The following ASTN2 variants were observed in gnomAD, a reference collection of about 807,000 sequenced individuals.
ASTN2 encodes the protein astrotactin 2.
A neutral mutation model predicts 139.8 loss-of-function variants in ASTN2; 54 were observed. The ratio of observed to expected loss-of-function variants is 0.39; its 90% confidence interval spans 0.31 to 0.48. The LOEUF is 0.48. Among genes scored for constraint, ASTN2 ranks in the 20% least tolerant of loss-of-function variants. ASTN2 has a pLI of 0.95. For synonymous variants in ASTN2, 756 were observed against 719.5 expected, an observed-to-expected ratio of 1.05 and a Z score of -0.81; for missense variants, 1,565 against 1,725.1, an observed-to-expected ratio of 0.91 and a Z score of 1.64.
chr9:117,177,886 C>T (rs1220921549), intron 3 of ASTN2, among the ~76,000 whole-genome samples: 1 of 152,048 alleles, frequency 6.6e-6, no homozygotes, highest in South Asian at 2.1e-4. Context: ...TGAACTTGTC[C>T]ATCCTGTGCC....
intron 5 of ASTN2, among the ~76,000 whole-genome samples, chr9:117,058,029 A>G (rs1244551020): frequency 6.6e-6 from 1 of 152,208 alleles, no homozygotes; most frequent in Non-Finnish European, 1.5e-5. Context: ...GATTATTTGT[A>G]AAGTTTATTT....
chr9:116,971,002 C>T (rs925067285), intron 10 of ASTN2, among the ~76,000 whole-genome samples: 1 of 151,776 alleles, frequency 6.6e-6, no homozygotes, highest in Non-Finnish European at 1.5e-5. Flanking sequence ...ATCTTTTATT[C>T]CATCTCTCAA....
At chr9:117,096,461 A>G (rs1828843516) in intron 4 of ASTN2, among the ~76,000 whole-genome samples, 1 of 152,202 alleles carries the variant, frequency 6.6e-6, no homozygotes. Context: ...TTGAAGATTA[A>G]AGGAGATGTA....
intron 8 of ASTN2, 152 bp downstream of exon 8, chr9:116,976,549 G>T: frequency 1.6e-6 from 1 of 625,902 alleles, no homozygotes. Flanking sequence ...CCATGGGAAA[G>T]TAGGATTCAC....
chr9:117,075,313 C>T (rs1015110321), intron 5 of ASTN2, among the ~76,000 whole-genome samples: 2 of 152,126 alleles, frequency 1.3e-5, no homozygotes, highest in African/African-American at 2.4e-5. Flanking sequence ...ACAGCGTCAG[C>T]GCCTCTGCCC....
chr9:116,531,763 C>T (rs1266292704), intron 19 of ASTN2, among the ~76,000 whole-genome samples: 1 of 152,192 alleles, frequency 6.6e-6, no homozygotes, highest in African/African-American at 2.4e-5. Context: ...TCCAATCTAT[C>T]ACTGATGGAC....
chr9:116,954,596 C>A (rs1029736583), intron 10 of ASTN2, among the ~76,000 whole-genome samples: 3 of 152,086 alleles, frequency 2.0e-5, no homozygotes, highest in African/African-American at 7.2e-5. Context: ...GCCATTACTG[C>A]AAGGTATCAG....
At chr9:117,192,435 G>A (rs1349944991) in intron 3 of ASTN2, among the ~76,000 whole-genome samples, 4 of 151,816 alleles carry the variant, frequency 2.6e-5, no homozygotes, top group Non-Finnish European at 4.4e-5. Flanking sequence ...AGGCTGGCTA[G>A]TTCTAAGGAG....
At chr9:117,123,918 C>T (rs551774083) in intron 4 of ASTN2, among the ~76,000 whole-genome samples, 1 of 152,208 alleles carries the variant, frequency 6.6e-6, no homozygotes, top group Admixed American at 6.5e-5. Context: ...TGCGACATGC[C>T]TGTCTGTGCT....
intron 2 of ASTN2, among the ~76,000 whole-genome samples, chr9:117,282,614 G>GTTTTCAGCTCCAAGATCCCACTAT (rs1564124639): frequency 2.7e-5 from 4 of 149,856 alleles, no homozygotes; most frequent in African/African-American, 7.7e-5. Flanking sequence ...TTGGCCATGT[G>GTTTTCAGCTCCAAGATCCCACTAT]ATGTGCTTTG....
chr9:116,618,273 T>A, intron 19 of ASTN2, 51 bp downstream of exon 19: 2 of 1,552,416 alleles, frequency 1.3e-6, no homozygotes, highest in Non-Finnish European at 1.7e-6. Flanking sequence ...AAAATCCCAG[T>A]TTCCCTCTTC....
chr9:117,151,092 G>T (rs1830316896), intron 3 of ASTN2, among the ~76,000 whole-genome samples: 1 of 151,954 alleles, frequency 6.6e-6, no homozygotes, highest in Non-Finnish European at 1.5e-5. Context: ...CAAACCCCTT[G>T]GCTCAAGGGG....
chr9:117,148,850 A>G (rs1449149929), intron 3 of ASTN2, among the ~76,000 whole-genome samples: 1 of 152,178 alleles, frequency 6.6e-6, no homozygotes, highest in South Asian at 2.1e-4. Context: ...TGATGGAAGA[A>G]AGACTAACCT....
chr9:117,285,679 C>T (rs1834431833), intron 2 of ASTN2, among the ~76,000 whole-genome samples: 1 of 152,160 alleles, frequency 6.6e-6, no homozygotes, highest in Non-Finnish European at 1.5e-5. Flanking sequence ...GTGACTTTGC[C>T]TGCACAAACT....
intron 2 of ASTN2, among the ~76,000 whole-genome samples, chr9:117,223,709 A>T (rs1564489173): frequency 6.6e-6 from 1 of 152,226 alleles, no homozygotes; most frequent in Non-Finnish European, 1.5e-5. Flanking sequence ...AAGAATTTGC[A>T]TGTATACATG....
At chr9:116,717,280 C>G (rs1828337228) in intron 16 of ASTN2, among the ~76,000 whole-genome samples, 1 of 124,334 alleles carries the variant, frequency 8.0e-6, no homozygotes, top group African/African-American at 3.2e-5. Context: ...TGGACTCAAT[C>G]TAAACCGGGG....
At chr9:116,819,287 G>C (rs888591545) in intron 12 of ASTN2, among the ~76,000 whole-genome samples, 31 of 152,184 alleles carry the variant, frequency 2.0e-4, no homozygotes, top group African/African-American at 7.5e-4. Context: ...GCAGCCTGCA[G>C]ATCTAAAGCC....
At chr9:116,655,614 C>G (rs1290223926) in intron 16 of ASTN2, among the ~76,000 whole-genome samples, 1 of 152,196 alleles carries the variant, frequency 6.6e-6, no homozygotes, top group East Asian at 1.9e-4. Context: ...CTAACTTCCA[C>G]TCATCCCTCA....
intron 3 of ASTN2, among the ~76,000 whole-genome samples, chr9:117,201,740 A>G (rs1478257702): frequency 6.6e-6 from 1 of 152,112 alleles, no homozygotes; most frequent in East Asian, 1.9e-4. Context: ...GCATTTGCTG[A>G]GGAGTGTTTT....
Sources: allele counts gnomAD v4.1 joint callset (sites outside exome capture counted in the v4.1 genomes callset), GRCh38; gene constraint gnomAD v4.1.1; transcripts MANE v1.5; gene names NCBI Gene and HGNC (gene_info 2026-07-23, HGNC 2026-07-21).